The following CTNNA3 variants were observed in gnomAD, a reference collection of about 807,000 sequenced individuals.
CTNNA3 encodes the protein catenin alpha 3, also known as catenin alpha-3.
In CTNNA3, 76 loss-of-function variants were observed where a neutral mutation model predicts 95.7. That is an observed-to-expected ratio of 0.79 (90% CI 0.66 to 0.96). CTNNA3 has a LOEUF of 0.96. Ranked by LOEUF, CTNNA3 falls within the 40% of genes least tolerant of loss-of-function variation. CTNNA3 has a pLI of 0.00. For missense variants in CTNNA3, 1,191 were observed against 1,089.8 expected (o/e 1.09, Z -1.31); for synonymous variants, 431 against 374.4 (o/e 1.15, Z -1.74).
At chr10:67,036,549 T>C (rs2133128518) in intron 7 of CTNNA3, among the ~76,000 whole-genome samples, 1 of 152,060 alleles carries the variant, frequency 6.6e-6, no homozygotes. Context: ...TTAAAAAAAT[T>C]TTTGGTAGAG....
intron 13 of CTNNA3, among the ~76,000 whole-genome samples, chr10:66,203,286 A>T (rs1254507797): frequency 1.3e-5 from 2 of 152,230 alleles, no homozygotes; most frequent in Non-Finnish European, 2.9e-5. Flanking sequence ...CAATATAAAG[A>T]CTAAATGAAT....
intron 7 of CTNNA3, among the ~76,000 whole-genome samples, chr10:66,909,865 A>T (rs1846147466): frequency 6.6e-6 from 1 of 152,124 alleles, no homozygotes; most frequent in Admixed American, 6.5e-5. Flanking sequence ...GCATCATCTT[A>T]ATGTTTTCTT....
intron 10 of CTNNA3, among the ~76,000 whole-genome samples, chr10:66,594,562 T>A (rs1843651048): frequency 6.6e-6 from 1 of 152,174 alleles, no homozygotes; most frequent in Non-Finnish European, 1.5e-5. Flanking sequence ...TCTGGATGCT[T>A]TTGCATTTGT....
At chr10:66,862,338 C>T (rs1460179253) in intron 7 of CTNNA3, among the ~76,000 whole-genome samples, 3 of 152,062 alleles carry the variant, frequency 2.0e-5, no homozygotes, top group Non-Finnish European at 2.9e-5. Context: ...TGTATGCTGC[C>T]TAAAGTTACA....
At chr10:66,957,404 A>ATG (rs1312651745) in intron 7 of CTNNA3, among the ~76,000 whole-genome samples, 2 of 32,846 alleles carry the variant, frequency 6.1e-5, no homozygotes, top group East Asian at 1.1e-3. Flanking sequence ...ATATATATAT[A>ATG]TATATATATG....
At chr10:67,551,731 A>T (rs1316419753) in intron 3 of CTNNA3, among the ~76,000 whole-genome samples, 1 of 152,144 alleles carries the variant, frequency 6.6e-6, no homozygotes, top group African/African-American at 2.4e-5. Context: ...CCACACTCCC[A>T]TCACACACCC....
At position 67,726,174 on chromosome 10, in the gene CTNNA3, A is replaced by G. The variant is rs562390492; in HGVS notation, c.-2+37260T>C. 5.0e-5 allele frequency among the ~76,000 whole-genome samples: 5 copies of G among 99,308 alleles called. No individual in the cohort carries two copies. In the East Asian group the frequency reaches 1.2e-3, roughly 24 times the overall value. 65.1% of individuals were successfully genotyped at this position (99,308 alleles called of 152,430 possible). A position where few individuals can be genotyped will look rare whatever the true frequency, so the allele number is the denominator to read the frequency against. ...ATTATAATATATAATCTTATATAAT[A>G]ATATATATTATTATAATATATAATA... On this transcript the variant is annotated intron_variant, in intron 1 of 17. Transcript: ENST00000684154.
chr10:66,551,929 G>A (rs868109877), intron 10 of CTNNA3, among the ~76,000 whole-genome samples: 4 of 130,038 alleles, frequency 3.1e-5, no homozygotes, highest in Middle Eastern at 4.6e-3. Flanking sequence ...CTGAGACAGA[G>A]TCTCGCTCTG....
intron 12 of CTNNA3, among the ~76,000 whole-genome samples, chr10:66,299,709 AAC>A (rs2091832838): frequency 6.6e-6 from 1 of 152,186 alleles, no homozygotes; most frequent in Non-Finnish European, 1.5e-5. Flanking sequence ...CACAGAATGA[AAC>A]ACAAAGAATA....
intron 7 of CTNNA3, among the ~76,000 whole-genome samples, chr10:66,954,492 C>T (rs553445011): frequency 3.3e-5 from 5 of 152,194 alleles, no homozygotes; most frequent in South Asian, 2.1e-4. Flanking sequence ...TACACGGTCC[C>T]GCAATGGATT....
chr10:66,678,099 T>C (rs1181960519), intron 9 of CTNNA3, among the ~76,000 whole-genome samples: 1 of 152,184 alleles, frequency 6.6e-6, no homozygotes, highest in Non-Finnish European at 1.5e-5. Flanking sequence ...CAATGAAAGA[T>C]TGTAAATAAT....
At chr10:66,148,911 A>G (rs1267382873) in intron 13 of CTNNA3, among the ~76,000 whole-genome samples, 2 of 151,814 alleles carry the variant, frequency 1.3e-5, no homozygotes, top group East Asian at 3.9e-4. Context: ...TAAGTTTTAA[A>G]TAGATTACAA....
At chr10:65,996,194 A>G (rs1380154520) in intron 15 of CTNNA3, among the ~76,000 whole-genome samples, 2 of 152,210 alleles carry the variant, frequency 1.3e-5, no homozygotes, top group Non-Finnish European at 2.9e-5. Flanking sequence ...GGGGAGAGCC[A>G]GTCTTCAGAG....
At chr10:67,335,703 T>C (rs1841971060) in intron 5 of CTNNA3, among the ~76,000 whole-genome samples, 2 of 152,358 alleles carry the variant, frequency 1.3e-5, no homozygotes. Flanking sequence ...ACAAACATGC[T>C]GTAGGAGCTT....
At chr10:66,324,588 C>T (rs1024424262) in intron 12 of CTNNA3, among the ~76,000 whole-genome samples, 1 of 152,164 alleles carries the variant, frequency 6.6e-6, no homozygotes, top group African/African-American at 2.4e-5. Context: ...GCACTGGCCC[C>T]AGCCTCTGCA....
chr10:67,139,152 T>TGA (rs1208307864), intron 7 of CTNNA3, among the ~76,000 whole-genome samples: 1 of 152,098 alleles, frequency 6.6e-6, no homozygotes, highest in Admixed American at 6.6e-5. Flanking sequence ...TTATTTATTG[T>TGA]GATGGAGTCT....
intron 7 of CTNNA3, among the ~76,000 whole-genome samples, chr10:67,070,708 C>A (rs1856399393): frequency 6.6e-6 from 1 of 151,612 alleles, no homozygotes; most frequent in African/African-American, 2.4e-5. Context: ...GGTCACGCCA[C>A]TGCACTCCAG....
intron 9 of CTNNA3, among the ~76,000 whole-genome samples, chr10:66,657,625 A>G (rs796238733): frequency 7.2e-5 from 11 of 152,258 alleles, no homozygotes; most frequent in African/African-American, 2.6e-4. Flanking sequence ...TTACTGAGCA[A>G]TGTACTTGCA....
At chr10:66,625,997 C>T (rs529517065) in intron 9 of CTNNA3, among the ~76,000 whole-genome samples, 1 of 152,020 alleles carries the variant, frequency 6.6e-6, no homozygotes, top group Admixed American at 6.5e-5. Context: ...TTTCAATGAC[C>T]CTTTAAAAAA....
Sources: allele counts gnomAD v4.1 joint callset (sites outside exome capture counted in the v4.1 genomes callset), GRCh38; gene constraint gnomAD v4.1.1; transcripts MANE v1.5; gene names NCBI Gene and HGNC (gene_info 2026-07-23, HGNC 2026-07-21).